The following VIPAS39 variants were observed in gnomAD, a reference collection of about 807,000 sequenced individuals.
VIPAS39 encodes the protein spermatogenesis-defective protein 39 homolog.
Under a neutral mutation model 84.7 loss-of-function variants are expected in VIPAS39, and 63 were observed. The observed-to-expected ratio is 0.74, with a 90% confidence interval of 0.61 to 0.92. The LOEUF (loss-of-function observed/expected upper bound fraction) is 0.92. Among genes scored for constraint, VIPAS39 ranks in the 40% least tolerant of loss-of-function variants. VIPAS39 has a pLI of 0.00. For missense variants in VIPAS39, 499 were observed against 604.5 expected, an observed-to-expected ratio of 0.83 and a Z score of 1.83; for synonymous variants, 192 against 216.5, an observed-to-expected ratio of 0.89 and a Z score of 0.99.
intron 7 of VIPAS39, among the ~76,000 whole-genome samples, chr14:77,445,429 GTTGTT>G (rs2078773290): frequency 6.6e-6 from 1 of 151,628 alleles, no homozygotes; most frequent in African/African-American, 2.4e-5. Flanking sequence ...TGTTGTTGTT[GTTGTT>G]TTATCTGAGA....
chr14:77,434,139 T>G, intron 15 of VIPAS39, 123 bp downstream of exon 15: 2 of 1,245,998 alleles, frequency 1.6e-6, no homozygotes, highest in African/African-American at 3.0e-5. Context: ...TTTCCCAAAC[T>G]CATTCCTTTC....
At position 77,453,401 on chromosome 14, in the gene VIPAS39, A is replaced by C; in HGVS notation, c.94T>G (p.Leu32Val). The C allele has an allele frequency of 6.2e-7, 1 of 1,613,864 alleles. No individual in the cohort carries two copies. Among genetic ancestry groups the C allele is most frequent in the Non-Finnish European group, 8.5e-7 (1 of 1,179,884 alleles). ...FDDEDDELSQ[L>V]KESKRAVNSL... ...TTCACCGCCCGCTTGGACTCCTTTA[A>C]CTGCAGAGGGACACAAGGCTAGGGT... The change falls in exon 3 of 20, where the codon TTA (leucine) becomes GTA (valine). Residue 32 changes from leucine (L) to valine (V), a missense_variant and splice_region_variant. By Grantham distance (32) the Leu-to-Val change is conservative. Transcript: ENST00000557658.
intron 11 of VIPAS39, among the ~76,000 whole-genome samples, chr14:77,438,883 ATAAAAATGTAAATG>A (rs1398126988): frequency 8.5e-5 from 13 of 152,370 alleles, no homozygotes; most frequent in Admixed American, 6.5e-4. Flanking sequence ...GTAAATGTAT[ATAAAAATGTAAATG>A]TAAAAATGTA....
rs886462148 is a variant in VIPAS39 at position 77,444,482 on chromosome 14, C to T, written c.505-141G>A. 5 of 712,752 alleles carry T rather than the reference C, an allele frequency of 7.0e-6. No homozygotes were observed. The African/African-American group carries it at 9.0e-5, about 13-fold the overall frequency. 44.2% of individuals were successfully genotyped at this position (712,752 alleles called of 1,614,324 possible). A position where few individuals can be genotyped will look rare whatever the true frequency, so the allele number is the denominator to read the frequency against. On this transcript the variant is annotated intron_variant, in intron 7 of 19. Transcript: ENST00000557658. ...TATTTTTACCCTATGGTCCCCAGCA[C>T]TTATAAAACAGTTGGCTCCCACCAC...
chr14:77,455,458 C>G (rs143426353), intron 1 of VIPAS39, among the ~76,000 whole-genome samples: 160 of 152,310 alleles, frequency 1.1e-3, no homozygotes, highest in African/African-American at 3.8e-3. Context: ...GCACTCCAGC[C>G]TGGGTGACAC....
intron 16 of VIPAS39, among the ~76,000 whole-genome samples, chr14:77,430,541 AC>A (rs764970312): frequency 6.6e-6 from 1 of 151,990 alleles, no homozygotes; most frequent in Non-Finnish European, 1.5e-5. Context: ...ACATGGTGAA[AC>A]CCCATCTTTA....
chr14:77,442,879 A>G (rs1022702291), intron 9 of VIPAS39, among the ~76,000 whole-genome samples: 3 of 152,330 alleles, frequency 2.0e-5, no homozygotes, highest in African/African-American at 4.8e-5. Flanking sequence ...GCAGGCACTT[A>G]GCATGGACTC....
intron 3 of VIPAS39, among the ~76,000 whole-genome samples, chr14:77,452,986 G>A (rs981408522): frequency 1.6e-4 from 24 of 151,970 alleles, no homozygotes; most frequent in Non-Finnish European, 2.9e-4. Flanking sequence ...CCTCTACTCC[G>A]CAGAAGACCT....
rs757908580 is a variant in VIPAS39, at chr14:77,448,550, C to G, written c.448G>C (p.Asp150His). Residue 150 changes from aspartate to histidine, a missense_variant and splice_region_variant, in exon 7 of 20, where the codon GAT becomes CAT. Physicochemically the swap from Asp to His is moderately conservative, Grantham distance 81. Coordinates refer to ENST00000557658, the MANE Select transcript of VIPAS39 (RefSeq NM_001193315.2). ...CTGGGGCTCCAGTCATTGCTGTAATCCTGGAATATTAGCAATACGTGAATC... is the reference window on the plus strand; with the variant it reads ...CTGGGGCTCCAGTCATTGCTGTAATGCTGGAATATTAGCAATACGTGAATC... ...ELGRPKGEYR[D>H]YSNDWSPSDT... 19 of 1,614,086 alleles carry G rather than the reference C, an allele frequency of 1.2e-5. 1 individual carries two copies. The South Asian group carries it at 2.1e-4, about 18-fold the overall frequency.
intron 16 of VIPAS39, among the ~76,000 whole-genome samples, chr14:77,433,586 A>G (rs2078558113): frequency 6.6e-6 from 1 of 152,246 alleles, no homozygotes; most frequent in Admixed American, 6.5e-5. Context: ...AAAAACACAT[A>G]GGTATAGAAA....
intron 8 of VIPAS39, among the ~76,000 whole-genome samples, 193 bp downstream of exon 8, chr14:77,444,056 A>AAAC (rs61268102): frequency 6.6e-6 from 1 of 151,652 alleles, no homozygotes; most frequent in Non-Finnish European, 1.5e-5. Context: ...AAAAAAAAAA[A>AAAC]CAGGGTTCCA....
rs11850316 is a variant in VIPAS39, at chr14:77,449,160, A to G, written c.447+133T>C. 848 of 1,021,078 alleles carry G rather than the reference A, an allele frequency of 8.3e-4. 4 individuals are homozygous for G. In the African/African-American group the frequency reaches 0.012, roughly 14 times the overall value. The allele number at this position is 1,021,078 out of a possible 1,614,324, so 63.3% of individuals were successfully genotyped here. ...CCCAGGTAAGCCCTCATGTTTAGAA[A>G]CCCAGTTTTCTAATCTATAAAACAG... On this transcript the variant is annotated intron_variant, in intron 6 of 19. Coordinates refer to ENST00000557658, the MANE Select transcript of VIPAS39 (RefSeq NM_001193315.2).
chr14:77,433,303 C>A (rs1456923963), intron 16 of VIPAS39, among the ~76,000 whole-genome samples: 1 of 152,152 alleles, frequency 6.6e-6, no homozygotes, highest in Non-Finnish European at 1.5e-5. Context: ...TGGATTCAAG[C>A]AATTCTCTCG....
Position 77,441,094 on chromosome 14 carries a change from C to G in VIPAS39, c.735-1G>C. On this transcript the variant is annotated splice_acceptor_variant, in intron 10 of 19. Coordinates refer to ENST00000557658, the MANE Select transcript of VIPAS39 (RefSeq NM_001193315.2). LOFTEE classifies it high-confidence loss of function. ...AAGCTCTTCTGTTCTATCTAGGAAC[C>G]TGGGAAGAAGCAGAAGGGAGCAGGG... The G allele has an allele frequency of 6.2e-7, 1 of 1,611,968 alleles. No homozygotes were observed. Among genetic ancestry groups the G allele is most frequent in the Non-Finnish European group, 8.5e-7 (1 of 1,179,650 alleles).
intron 4 of VIPAS39, among the ~76,000 whole-genome samples, chr14:77,450,263 C>A (rs766371117): frequency 1.3e-5 from 2 of 152,214 alleles, no homozygotes. Flanking sequence ...AGTATCACAT[C>A]CTCAAGGATC....
intron 5 of VIPAS39, 21 bp downstream of exon 5, chr14:77,449,693 A>T: frequency 6.2e-7 from 1 of 1,614,130 alleles, no homozygotes. Flanking sequence ...CACAGCAATT[A>T]AAAGAGGGTT....
intron 14 of VIPAS39, chr14:77,435,029 C>T: frequency 1.7e-6 from 1 of 581,634 alleles, no homozygotes; most frequent in Admixed American, 3.0e-5. Context: ...AGGGACAGAA[C>T]TTGCTATGCT....
rs748011501 is a variant in VIPAS39, at chr14:77,444,306, G to A, written c.540C>T (p.Asp180=). ...CTGCCTCTTCTAGGAGTTGTAGTTT[G>A]TCCTGTAAGGAGCGGAATCTCTCTA... The part of the protein sequence containing the change: ...CSLERFRSLQ[D]KLQLLEEAVS... The change falls in exon 8 of 20, where the codon GAC becomes GAT. Residue 180 remains aspartate, a synonymous_variant. Transcript: ENST00000557658. The A allele has an allele frequency of 6.2e-7, 1 of 1,613,820 alleles. No homozygotes were observed. Among genetic ancestry groups the A allele is most frequent in the Non-Finnish European group, 8.5e-7 (1 of 1,179,782 alleles).
At chr14:77,440,985 T>C (rs2078694141) in intron 11 of VIPAS39, 81 bp downstream of exon 11, 2 of 1,573,968 alleles carry the variant, frequency 1.3e-6, no homozygotes, top group Middle Eastern at 1.7e-4. Flanking sequence ...CCCAAAGTGC[T>C]GGGATTACAG....
Sources: allele counts gnomAD v4.1 joint callset (sites outside exome capture counted in the v4.1 genomes callset), GRCh38; gene constraint gnomAD v4.1.1; transcripts MANE v1.5; gene names NCBI Gene and HGNC (gene_info 2026-07-23, HGNC 2026-07-21).